COPS8: variants seen among roughly 807,000 people sequenced by gnomAD.
COPS8 encodes COP9 signalosome complex subunit 8.
Under a neutral mutation model 31.5 loss-of-function variants are expected in COPS8, and 11 were observed. That is an observed-to-expected ratio of 0.35 (90% confidence interval 0.22 to 0.58). The LOEUF is 0.58. COPS8 is among the 20% of genes least tolerant of loss of function. The pLI, the probability that COPS8 is intolerant of heterozygous loss-of-function variation, is 0.83. For missense variants in COPS8, 215 were observed against 255.1 expected (o/e 0.84, Z 1.07); for synonymous variants, 81 against 89.3 (o/e 0.91, Z 0.52).
chr2:237,089,375 A>G (rs956353661), intron 3 of COPS8, among the ~76,000 whole-genome samples: 4 of 152,210 alleles, frequency 2.6e-5, no homozygotes, highest in Non-Finnish European at 4.4e-5. Context: ...GAAGTACTAT[A>G]AATCATGCAC....
chr2:237,094,502 G>A (rs918301768), intron 5 of COPS8, among the ~76,000 whole-genome samples: 1 of 152,074 alleles, frequency 6.6e-6, no homozygotes, highest in African/African-American at 2.4e-5. Context: ...GATAAAGGCA[G>A]CATCATCCCC....
At position 237,095,887 on chromosome 2, in the gene COPS8, A is replaced by G. The variant is rs753768204; in HGVS notation, c.502+3A>G. On this transcript the variant is annotated splice_donor_region_variant and intron_variant, in intron 6 of 7. Transcript: ENST00000354371. ...AATGGTTCTGCCCAGAAAGCCAGGTAGGTGGAGCTTTCACCCATTTACGCA... is the reference window on the plus strand; with the variant it reads ...AATGGTTCTGCCCAGAAAGCCAGGTGGGTGGAGCTTTCACCCATTTACGCA... 18 of 1,609,208 alleles carry G rather than the reference A, an allele frequency of 1.1e-5. No individual in the cohort carries two copies. The South Asian group carries it at 1.3e-4, about 12-fold the overall frequency.
chr2:237,087,087 T>C (rs936836814), intron 1 of COPS8, 40 bp from the exon 2 acceptor site: 10 of 1,309,308 alleles, frequency 7.6e-6, no homozygotes, highest in Non-Finnish European at 1.1e-5. Flanking sequence ...TTTTTAAAAT[T>C]TTGTGTTGTT....
At chr2:237,088,251 A>G (rs923661531) in intron 2 of COPS8, among the ~76,000 whole-genome samples, 1 of 152,164 alleles carries the variant, frequency 6.6e-6, no homozygotes, top group Non-Finnish European at 1.5e-5. Context: ...AGGGAATGCT[A>G]CAGCCTTGAT....
chr2:237,086,807 T>A (rs919411031), intron 1 of COPS8: 1 of 858,068 alleles, frequency 1.2e-6, no homozygotes, highest in Admixed American at 5.5e-5. Flanking sequence ...GTAAGATCAT[T>A]TAAATGGGAA....
At chr2:237,088,114 A>T (rs534281845) in intron 2 of COPS8, among the ~76,000 whole-genome samples, 1 of 152,174 alleles carries the variant, frequency 6.6e-6, no homozygotes, top group African/African-American at 2.4e-5. Flanking sequence ...GTTTTGTAAA[A>T]CTGTCATTAT....
At chr2:237,092,291 C>T (rs1696717720) in intron 4 of COPS8, among the ~76,000 whole-genome samples, 1 of 152,208 alleles carries the variant, frequency 6.6e-6, no homozygotes, top group African/African-American at 2.4e-5. Flanking sequence ...GTGGATATTG[C>T]AGCTTCTGAG....
intron 4 of COPS8, chr2:237,093,736 C>G: frequency 5.0e-6 from 5 of 990,190 alleles, no homozygotes; most frequent in Non-Finnish European, 6.0e-6. Context: ...TCCTTTGATT[C>G]CAGCATTTGT....
At position 237,099,379 on chromosome 2, in the gene COPS8, A is replaced by G. The variant is rs1447795760; in HGVS notation, c.*1637A>G. 2.0e-5 allele frequency: 3 copies of G among 152,206 alleles called. No homozygotes were observed. The highest frequency in any genetic ancestry group is 4.4e-5 in the Non-Finnish European group (3 of 68,014). 9.4% of individuals were successfully genotyped at this position (152,206 alleles called of 1,614,324 possible). On this transcript the variant is annotated 3_prime_UTR_variant, in exon 8 of 8. Transcript: ENST00000354371. ...AGGAGAGGACAGTGAACTACTACATAGAGAAAAAATAATCTCAAGTGATCA... is the reference window on the plus strand; with the variant it reads ...AGGAGAGGACAGTGAACTACTACATGGAGAAAAAATAATCTCAAGTGATCA...
chr2:237,094,444 AATTGGTCTCTTT>A (rs1696758385), intron 5 of COPS8, among the ~76,000 whole-genome samples: 3 of 152,126 alleles, frequency 2.0e-5, no homozygotes, highest in Non-Finnish European at 4.4e-5. Flanking sequence ...AATATGTCTT[AATTGGTCTCTTT>A]ACTCATATTT....
At chr2:237,097,224 C>CTTTTTTTTTTTTTTTT (rs996251270) in intron 7 of COPS8, among the ~76,000 whole-genome samples, 1 of 95,986 alleles carries the variant, frequency 1.0e-5, no homozygotes, top group Non-Finnish European at 2.2e-5. Flanking sequence ...TGTGGGTTTT[C>CTTTTTTTTTTTTTTTT]TTTTTTTTTT....
At chr2:237,094,816 A>G (rs1466941936) in intron 5 of COPS8, among the ~76,000 whole-genome samples, 2 of 152,048 alleles carry the variant, frequency 1.3e-5, no homozygotes, top group Non-Finnish European at 2.9e-5. Context: ...AATACAAAAA[A>G]TTAGCCAGGT....
chr2:237,086,725 T>C, intron 1 of COPS8: 1 of 950,768 alleles, frequency 1.1e-6, no homozygotes, highest in African/African-American at 1.8e-5. Context: ...TTCTGTCTCT[T>C]ATTCAGGACG....
chr2:237,087,285 T>C lies in COPS8; in HGVS notation c.149+88T>C. 3 of 860,582 alleles carry C rather than the reference T, an allele frequency of 3.5e-6. 1 individual carries two copies. The South Asian group carries it at 4.9e-5, about 14-fold the overall frequency. The allele number at this position is 860,582 out of a possible 1,614,324, so 53.3% of individuals were successfully genotyped here. A position where few individuals can be genotyped will look rare whatever the true frequency, so the allele number is the denominator to read the frequency against. The stretch of plus-strand genomic sequence containing the variant: ...TGCACTGAAGTAGCACCACTAAACA[T>C]AGGCACAACGAGCTACCTTTTTTAT... On this transcript the variant is annotated intron_variant, in intron 2 of 7. Coordinates refer to ENST00000354371, the MANE Select transcript of COPS8 (RefSeq NM_006710.5).
chr2:237,097,556 T>G lies in COPS8; in HGVS notation c.551-107T>G, dbSNP rs185500850. 16 of 713,910 alleles carry G rather than the reference T, an allele frequency of 2.2e-5. No individual in the cohort carries two copies. The African/African-American group carries it at 2.7e-4, about 12-fold the overall frequency. The allele number at this position is 713,910 out of a possible 1,614,324, so 44.2% of individuals were successfully genotyped here. ...TAAAACCAGGACAAATCTAAGAAAG[T>G]TAACTTACTGTTAAAAATTGAAGGC... On this transcript the variant is annotated intron_variant, in intron 7 of 7. Coordinates refer to ENST00000354371, the MANE Select transcript of COPS8 (RefSeq NM_006710.5).
intron 6 of COPS8, 152 bp from the exon 7 acceptor site, chr2:237,096,670 A>G (rs1574839268): frequency 1.5e-6 from 1 of 676,690 alleles, no homozygotes; most frequent in Non-Finnish European, 2.6e-6. Context: ...GAAGAGTAAT[A>G]TAATAAAGAA....
rs1361558785 is a variant in COPS8 at position 237,100,186 on chromosome 2, T to C, written c.*2444T>C. On this transcript the variant is annotated 3_prime_UTR_variant, in exon 8 of 8. Coordinates refer to ENST00000354371, the MANE Select transcript of COPS8 (RefSeq NM_006710.5). Reference sequence around the variant, plus strand: ...AAACAAAGAAGGGATCATGGAAATATATATCAATGCTGTTGAGACCACAGG... The same window carrying C: ...AAACAAAGAAGGGATCATGGAAATACATATCAATGCTGTTGAGACCACAGG... 1 of 152,126 alleles carries C rather than the reference T, an allele frequency of 6.6e-6. No homozygotes were observed. The highest frequency in any genetic ancestry group is 1.5e-5 in the Non-Finnish European group (1 of 68,024). 9.4% of individuals were successfully genotyped at this position (152,126 alleles called of 1,614,324 possible). A position where few individuals can be genotyped will look rare whatever the true frequency, so the allele number is the denominator to read the frequency against.
At chr2:237,093,879 A>G (rs566773808) in intron 4 of COPS8, 25 of 1,190,954 alleles carry the variant, frequency 2.1e-5, no homozygotes, top group Admixed American at 8.7e-5. Flanking sequence ...TTCATCCAAG[A>G]GGAAGTGTAA....
At position 237,098,025 on chromosome 2, in the gene COPS8, C is replaced by T. The variant is rs1325364324; in HGVS notation, c.*283C>T. 1 of 286,356 alleles carries T rather than the reference C, an allele frequency of 3.5e-6. No homozygotes were observed. The highest frequency in any genetic ancestry group is 4.5e-5 in the South Asian group (1 of 22,362). The allele number at this position is 286,356 out of a possible 1,614,324, so 17.7% of individuals were successfully genotyped here. A position where few individuals can be genotyped will look rare whatever the true frequency, so the allele number is the denominator to read the frequency against. ...CTAGTGACTCATAAAATAAGATTTC[C>T]TGTTTCATGTAGAATAGTGTTTGTC... On this transcript the variant is annotated 3_prime_UTR_variant, in exon 8 of 8. Coordinates refer to ENST00000354371, the MANE Select transcript of COPS8 (RefSeq NM_006710.5).
Sources: allele counts gnomAD v4.1 joint callset (sites outside exome capture counted in the v4.1 genomes callset), GRCh38; gene constraint gnomAD v4.1.1; transcripts MANE v1.5; gene names NCBI Gene and HGNC (gene_info 2026-07-23, HGNC 2026-07-21).